The following ZNF148 variants were observed in gnomAD, a reference collection of about 807,000 sequenced individuals.
The protein encoded by ZNF148 is zinc finger protein 148.
ZNF148 carries 7 observed loss-of-function variants against 67.7 expected under a neutral mutation model. The ratio of observed to expected loss-of-function variants is 0.10; its 90% CI spans 0.06 to 0.19. The LOEUF is 0.19. Ranked by LOEUF, ZNF148 falls within the 10% of genes least tolerant of loss-of-function variation. The pLI, the probability that ZNF148 is intolerant of heterozygous loss-of-function variation, is 1.00. For synonymous variants in ZNF148, 333 were observed against 330.7 expected, an observed-to-expected ratio of 1.01 and a Z score of -0.08; for missense variants, 583 against 947.1, an observed-to-expected ratio of 0.62 and a Z score of 5.05.
intron 7 of ZNF148, among the ~76,000 whole-genome samples, chr3:125,267,299 G>A: frequency 6.6e-6 from 1 of 150,878 alleles, no homozygotes. Flanking sequence ...ATCCCTGATG[G>A]AAATAGATGC....
At position 125,336,526 on chromosome 3, in the gene ZNF148, TTTAAAG is replaced by T. The variant is rs1337746577; in HGVS notation, c.-233-5294_-233-5289del. Among the ~76,000 whole-genome samples, 210 of 152,280 alleles carry T rather than the reference TTTAAAG, an allele frequency of 1.4e-3. 4 individuals are homozygous for T. The highest frequency in any genetic ancestry group is 0.014 in the Admixed American group (207 of 15,296). ...TATAGTAACTGCTTTCAAATTTAAA[TTTAAAG>T]TTATTAAGATTCCCTCTAAGGAGTT... On this transcript the variant is annotated intron_variant, in intron 1 of 8. Coordinates refer to ENST00000360647, the MANE Select transcript of ZNF148 (RefSeq NM_021964.3).
At position 125,338,659 on chromosome 3, in the gene ZNF148, C is replaced by CAAAAAA. The variant is rs757727396; in HGVS notation, c.-233-7427_-233-7422dup. Among the ~76,000 whole-genome samples, 347 of 51,158 alleles carry CAAAAAA rather than the reference C, an allele frequency of 6.8e-3. 42 individuals are homozygous for CAAAAAA. Among genetic ancestry groups the CAAAAAA allele is most frequent in the Non-Finnish European group, 9.3e-3 (284 of 30,396 alleles). The allele number at this position is 51,158 out of a possible 152,430, so 33.6% of individuals were successfully genotyped here. A position where few individuals can be genotyped will look rare whatever the true frequency, so the allele number is the denominator to read the frequency against. ...TGAGTGACAGAGTGAGACCCTGTCT[C>CAAAAAA]AAAAAAAAAAAAAAAAAAAAAAAAC... On this transcript the variant is annotated intron_variant, in intron 1 of 8. Coordinates refer to ENST00000360647, the MANE Select transcript of ZNF148 (RefSeq NM_021964.3).
intron 1 of ZNF148, chr3:125,344,537 A>T: frequency 9.1e-7 from 1 of 1,098,384 alleles, no homozygotes; most frequent in Non-Finnish European, 1.4e-6. Flanking sequence ...CCAAACTCAA[A>T]TGGACTGTCA....
chr3:125,295,077 A>G (rs1230776364), intron 4 of ZNF148, among the ~76,000 whole-genome samples: 1 of 152,226 alleles, frequency 6.6e-6, no homozygotes, highest in Non-Finnish European at 1.5e-5. Flanking sequence ...CATATGAACT[A>G]TAGTTTGGTT....
chr3:125,299,322 G>C (rs1019448181), intron 4 of ZNF148, among the ~76,000 whole-genome samples: 3 of 152,108 alleles, frequency 2.0e-5, no homozygotes, highest in Non-Finnish European at 4.4e-5. Context: ...AGACATCAAA[G>C]GTCAGACAGA....
intron 1 of ZNF148, among the ~76,000 whole-genome samples, chr3:125,353,252 T>C (rs1446332953): frequency 2.6e-5 from 4 of 151,994 alleles, no homozygotes; most frequent in Non-Finnish European, 4.4e-5. Context: ...AAACTATAGA[T>C]AGTAAACAGT....
At chr3:125,358,635 ATTCAT>A (rs757085418) in intron 1 of ZNF148, among the ~76,000 whole-genome samples, 23 of 152,198 alleles carry the variant, frequency 1.5e-4, no homozygotes, top group Non-Finnish European at 2.8e-4. Context: ...TTCTGTAACA[ATTCAT>A]TTAACTCATT....
chr3:125,249,991 G>A (rs761604154), intron 7 of ZNF148, among the ~76,000 whole-genome samples: 1 of 152,100 alleles, frequency 6.6e-6, no homozygotes, highest in Admixed American at 6.5e-5. Flanking sequence ...AAAAAACAGA[G>A]TAGAATAATA....
Position 125,317,643 on chromosome 3 carries a change from T to TTATA in ZNF148, c.-16-3991_-16-3988dup, listed in dbSNP as rs796710882. 2.2e-3 allele frequency among the ~76,000 whole-genome samples: 219 copies of TTATA among 100,964 alleles called. 4 individuals are homozygous for TTATA. Among genetic ancestry groups the TTATA allele is most frequent in the Admixed American group, 0.017 (157 of 9,482 alleles). The allele number at this position is 100,964 out of a possible 152,430, so 66.2% of individuals were successfully genotyped here. On this transcript the variant is annotated intron_variant, in intron 3 of 8. Transcript: ENST00000360647. ...AGAACTATGTAGATAGTAAGATCTT[T>TTATA]TATATATATATATATATATAGAGAG...
intron 4 of ZNF148, among the ~76,000 whole-genome samples, chr3:125,293,029 A>AT (rs1302876065): frequency 6.6e-6 from 1 of 152,144 alleles, no homozygotes; most frequent in African/African-American, 2.4e-5. Context: ...GAAAACAGTT[A>AT]TTTTTTATTT....
intron 1 of ZNF148, among the ~76,000 whole-genome samples, chr3:125,347,391 A>C (rs1941985930): frequency 2.6e-5 from 4 of 152,228 alleles, no homozygotes; most frequent in Non-Finnish European, 5.9e-5. Flanking sequence ...CGATCTTGAA[A>C]GAAAAGAACA....
chr3:125,311,324 T>G (rs1429519391), intron 4 of ZNF148: 1 of 153,300 alleles, frequency 6.5e-6, no homozygotes, highest in Non-Finnish European at 1.5e-5. Context: ...TGAAAGGCAT[T>G]CAGAAGAGTT....
At chr3:125,328,045 T>C (rs1941104554) in intron 2 of ZNF148, among the ~76,000 whole-genome samples, 4 of 152,138 alleles carry the variant, frequency 2.6e-5, no homozygotes, top group African/African-American at 9.6e-5. Flanking sequence ...TCTTCCATCA[T>C]GAGTCCCAAT....
intron 1 of ZNF148, among the ~76,000 whole-genome samples, chr3:125,338,352 A>G (rs1336807466): frequency 6.6e-6 from 1 of 152,220 alleles, no homozygotes; most frequent in African/African-American, 2.4e-5. Flanking sequence ...AAAACTCATC[A>G]TTTTTATTAC....
At chr3:125,366,068 T>C (rs1021452233) in intron 1 of ZNF148, among the ~76,000 whole-genome samples, 8 of 152,242 alleles carry the variant, frequency 5.3e-5, no homozygotes, top group African/African-American at 1.9e-4. Flanking sequence ...TTGCCAGCTA[T>C]CTAATATACG....
chr3:125,328,710 G>A (rs1941138144), intron 2 of ZNF148, among the ~76,000 whole-genome samples: 1 of 151,466 alleles, frequency 6.6e-6, no homozygotes, highest in South Asian at 2.1e-4. Flanking sequence ...CTCCATAAAA[G>A]GGCAAAGCAC....
At chr3:125,374,249 C>A (rs1942985857) in intron 1 of ZNF148, among the ~76,000 whole-genome samples, 1 of 152,130 alleles carries the variant, frequency 6.6e-6, no homozygotes, top group South Asian at 2.1e-4. Flanking sequence ...ACTGAACAGC[C>A]CACACAGGTT....
chr3:125,301,925 A>T (rs1325244496), intron 4 of ZNF148, among the ~76,000 whole-genome samples: 6 of 152,050 alleles, frequency 3.9e-5, no homozygotes, highest in African/African-American at 1.4e-4. Flanking sequence ...TTAGCCAGGC[A>T]TGGTGGCGGG....
rs560978175 is a variant in ZNF148 at position 125,274,541 on chromosome 3, A to C, written c.667+3185T>G. On this transcript the variant is annotated intron_variant, in intron 7 of 8. Transcript: ENST00000360647. ...AGCCCAAATGTAGGAAATGGAATTA[A>C]ATAATAGCCTGTCTAGAGCACATTA... 9.8e-5 allele frequency among the ~76,000 whole-genome samples: 15 copies of C among 152,344 alleles called. No individual in the cohort carries two copies. The South Asian group carries it at 3.1e-3, about 32-fold the overall frequency.
Sources: gnomAD v4.1 joint callset for allele counts (sites outside exome capture counted in the v4.1 genomes callset) on GRCh38, gnomAD v4.1.1 for gene constraint, MANE v1.5 for transcripts, NCBI Gene and HGNC (gene_info 2026-07-23, HGNC 2026-07-21) for gene names.